The following PSPC1 variants were observed in gnomAD, a reference collection of about 807,000 sequenced individuals.
The protein encoded by PSPC1 is paraspeckle protein 1.
In PSPC1, 14 loss-of-function variants were observed where a neutral mutation model predicts 51.6. The observed-to-expected ratio is 0.27, with a 90% CI of 0.18 to 0.42. The LOEUF is 0.42. PSPC1 is among the 10% of genes least tolerant of loss of function. The pLI is 1.00. For synonymous variants in PSPC1, 193 were observed against 231.9 expected, an observed-to-expected ratio of 0.83 and a Z score of 1.53; for missense variants, 406 against 701.1, an observed-to-expected ratio of 0.58 and a Z score of 4.75.
intron 2 of PSPC1, 39 bp downstream of exon 2, chr13:19,772,203 G>C: frequency 6.3e-7 from 1 of 1,579,506 alleles, no homozygotes. Flanking sequence ...AAGCCCATAT[G>C]TAACTGGATA....
downstream of PSPC1, chr13:19,673,025 A>G: frequency 2.3e-6 from 1 of 443,030 alleles, no homozygotes; most frequent in South Asian, 1.6e-5. Context: ...ACTGCACTCC[A>G]GCCTGAGTGA....
At chr13:19,713,147 TAG>T (rs1397727852) in intron 6 of PSPC1, among the ~76,000 whole-genome samples, 1 of 152,136 alleles carries the variant, frequency 6.6e-6, no homozygotes, top group African/African-American at 2.4e-5. Context: ...CACTTCAAAT[TAG>T]AATTTAAGTT....
At chr13:19,708,869 A>G (rs978811316) in intron 7 of PSPC1, among the ~76,000 whole-genome samples, 1 of 152,234 alleles carries the variant, frequency 6.6e-6, no homozygotes, top group Non-Finnish European at 1.5e-5. Context: ...ATCAATTTCC[A>G]GTGTTCAATT....
At chr13:19,718,320 A>G (rs1232182025) in intron 6 of PSPC1, among the ~76,000 whole-genome samples, 2 of 152,196 alleles carry the variant, frequency 1.3e-5, no homozygotes, top group Non-Finnish European at 2.9e-5. Flanking sequence ...TCACCCATGA[A>G]TATCTGGGAA....
At chr13:19,773,297 T>C (rs1266324603) in intron 1 of PSPC1, among the ~76,000 whole-genome samples, 1 of 148,630 alleles carries the variant, frequency 6.7e-6, no homozygotes, top group African/African-American at 2.5e-5. Context: ...TCACCCGGGC[T>C]AGAGTACAAT....
chr13:19,751,443 A>G lies in PSPC1; in HGVS notation c.795T>C (p.Phe265=). The change falls in exon 4 of 9, where the codon TTT becomes TTC. Residue 265 remains phenylalanine, a synonymous_variant. Transcript: ENST00000338910. ...YHKEREQPPR[F]AQPGTFEFEY... is the part of the protein sequence containing the mutation. The stretch of plus-strand genomic sequence containing the variant: ...CAAATTCAAATGTCCCAGGTTGAGC[A>G]AAACGTGGTGGTTGTTCTCTTTCCC... 6.5e-7 allele frequency: 1 copy of G among 1,536,102 alleles called. No individual in the cohort carries two copies. The highest frequency in any genetic ancestry group is 8.7e-7 in the Non-Finnish European group (1 of 1,147,300).
At chr13:19,739,587 A>G (rs529656207) in intron 5 of PSPC1, among the ~76,000 whole-genome samples, 39 of 152,032 alleles carry the variant, frequency 2.6e-4, no homozygotes, top group Non-Finnish European at 5.1e-4. Flanking sequence ...ATCTCTACTA[A>G]AAATACAAAA....
intron 1 of PSPC1, among the ~76,000 whole-genome samples, chr13:19,780,050 G>T (rs1889754795): frequency 7.2e-6 from 1 of 139,158 alleles, no homozygotes; most frequent in Admixed American, 6.9e-5. Context: ...CCCCGTCCGG[G>T]AGGTGAGGGG....
downstream of PSPC1, chr13:19,672,073 C>T: frequency 1.7e-6 from 1 of 583,428 alleles, no homozygotes; most frequent in Non-Finnish European, 3.1e-6. Flanking sequence ...AGTGCAGTGT[C>T]CAGACTGCGT....
intron 2 of PSPC1, among the ~76,000 whole-genome samples, chr13:19,771,249 T>A (rs1356771422): frequency 6.6e-6 from 1 of 151,976 alleles, no homozygotes; most frequent in Non-Finnish European, 1.5e-5. Context: ...CCGATTCTGG[T>A]GACTCACCCT....
At chr13:19,714,754 C>A (rs1369390162) in intron 6 of PSPC1, among the ~76,000 whole-genome samples, 1 of 152,094 alleles carries the variant, frequency 6.6e-6, no homozygotes, top group Non-Finnish European at 1.5e-5. Flanking sequence ...CTCAACCCCC[C>A]AAAGTGCTGT....
Position 19,702,943 on chromosome 13 carries a change from A to G in PSPC1, c.*232T>C. ...ACAGTACTATGGAATACTTATATTT[A>G]GCTAAAGTCACAAACACATTTCAAC... is the stretch of plus-strand genomic sequence containing the variant. On this transcript the variant is annotated 3_prime_UTR_variant, in exon 9 of 9. Transcript: ENST00000338910. 2.6e-6 allele frequency: 1 copy of G among 388,272 alleles called. No homozygotes were observed. The allele number at this position is 388,272 out of a possible 1,614,324, so 24.1% of individuals were successfully genotyped here.
At chr13:19,696,173 T>C (rs1488431364) in intron 6 of PSPC1, among the ~76,000 whole-genome samples, 3 of 152,322 alleles carry the variant, frequency 2.0e-5, no homozygotes, top group East Asian at 3.9e-4. Context: ...ACTGAGAAGA[T>C]ACCAAATTCT....
rs1157496743 is a variant in PSPC1, at chr13:19,730,324, C to T, written c.1073G>A (p.Arg358Gln). Residue 358 changes from arginine (R) to glutamine (Q), a missense_variant, in exon 6 of 9, where the codon CGG (arginine) becomes CAG (glutamine). Arg to Gln is a conservative substitution (Grantham distance 43). This residue lies in a region of PSPC1 where 61 missense variants were observed against 78.4 expected (regional missense o/e 0.78). Coordinates refer to ENST00000338910, the MANE Select transcript of PSPC1 (RefSeq NM_001354909.2). ...GTGTCGGATCATTTCTTCCTCACGCCGCCGATGCTCCTCTTCATGTCTGAA... is the reference window on the plus strand; with the variant it reads ...GTGTCGGATCATTTCTTCCTCACGCTGCCGATGCTCCTCTTCATGTCTGAA... ...IQLRHEEEHR[R>Q]REEEMIRHRE... 5.6e-6 allele frequency: 9 copies of T among 1,613,894 alleles called. No homozygotes were observed. Among genetic ancestry groups the T allele is most frequent in the Non-Finnish European group, 7.6e-6 (9 of 1,179,946 alleles).
intron 3 of PSPC1, among the ~76,000 whole-genome samples, chr13:19,755,833 G>T (rs1394006758): frequency 6.6e-6 from 1 of 152,116 alleles, no homozygotes; most frequent in Admixed American, 6.6e-5. Flanking sequence ...CATAAATCCA[G>T]CCAGGACAGT....
At position 19,696,023 on chromosome 13, in the gene PSPC1, C is replaced by T. The variant is rs116538391; in HGVS notation, c.1159-18200G>A. Among the ~76,000 whole-genome samples, 1,290 of 152,042 alleles carry T rather than the reference C, an allele frequency of 8.5e-3. 19 individuals carry two copies. The highest frequency in any genetic ancestry group is 0.029 in the African/African-American group (1,207 of 41,462). On this transcript the variant is annotated intron_variant and NMD_transcript_variant, in intron 6 of 7. Transcript: ENST00000471658. ...GTCGTAGACCTGGGCCTCCACGAAGCGAGGAATCTGACTCTGAACAGAAGA... is the reference window on the plus strand; with the variant it reads ...GTCGTAGACCTGGGCCTCCACGAAGTGAGGAATCTGACTCTGAACAGAAGA...
intron 1 of PSPC1, among the ~76,000 whole-genome samples, chr13:19,781,071 G>C (rs1025329344): frequency 1.3e-5 from 2 of 151,020 alleles, no homozygotes; most frequent in African/African-American, 4.9e-5. Context: ...GCTGAGGTGG[G>C]AGAACTTCTT....
intron 4 of PSPC1, among the ~76,000 whole-genome samples, chr13:19,747,563 A>T (rs2138092839): frequency 6.6e-6 from 1 of 152,108 alleles, no homozygotes; most frequent in Admixed American, 6.6e-5. Flanking sequence ...GAACTGCTGG[A>T]CTCAAGCAAT....
intron 2 of PSPC1, among the ~76,000 whole-genome samples, chr13:19,761,831 A>C (rs1361548655): frequency 6.6e-6 from 1 of 152,180 alleles, no homozygotes; most frequent in Non-Finnish European, 1.5e-5. Flanking sequence ...GAACAGTAAC[A>C]GAATCAGATA....
Sources: allele counts gnomAD v4.1 joint callset (sites outside exome capture counted in the v4.1 genomes callset), GRCh38; gene constraint gnomAD v4.1.1; regional missense constraint gnomAD v4.1.1; transcripts MANE v1.5; gene names NCBI Gene and HGNC (gene_info 2026-07-23, HGNC 2026-07-21).